The following HVCN1 variants were observed in gnomAD, a reference collection of about 807,000 sequenced individuals.
HVCN1 encodes voltage-gated hydrogen channel 1.
In HVCN1, 14 loss-of-function variants were observed where a neutral mutation model predicts 29.2. The observed-to-expected ratio is 0.48, with a 90% CI of 0.32 to 0.75. The LOEUF (loss-of-function observed/expected upper bound fraction) is 0.75. Ranked by LOEUF, HVCN1 falls within the 30% of genes least tolerant of loss-of-function variation. The pLI is 0.04. For missense variants in HVCN1, 263 were observed against 341.8 expected (o/e 0.77, Z 1.82); for synonymous variants, 131 against 133.2 (o/e 0.98, Z 0.11).
intron 3 of HVCN1, among the ~76,000 whole-genome samples, chr12:110,670,448 C>T (rs1453383378): frequency 6.6e-6 from 1 of 152,186 alleles, no homozygotes; most frequent in Non-Finnish European, 1.5e-5. Flanking sequence ...ATGGCAGCAA[C>T]GTGTATTACT....
intron 3 of HVCN1, 124 bp downstream of exon 3, chr12:110,683,101 A>G: frequency 7.8e-7 from 1 of 1,278,668 alleles, no homozygotes; most frequent in Non-Finnish European, 1.1e-6. Context: ...TTGATTTTAA[A>G]TATTTCAGTA....
chr12:110,666,479 A>T (rs942378317), intron 3 of HVCN1, among the ~76,000 whole-genome samples: 10 of 152,148 alleles, frequency 6.6e-5, no homozygotes, highest in Non-Finnish European at 8.8e-5. Context: ...ACAGGGCAAT[A>T]AAAAACATCA....
At chr12:110,666,997 T>C (rs2068387563) in intron 3 of HVCN1, among the ~76,000 whole-genome samples, 1 of 152,192 alleles carries the variant, frequency 6.6e-6, no homozygotes, top group South Asian at 2.1e-4. Context: ...AAGCCCATCA[T>C]GCACCTGTTG....
chr12:110,696,476 A>G (rs1424538991), intron 2 of HVCN1, among the ~76,000 whole-genome samples: 1 of 151,830 alleles, frequency 6.6e-6, no homozygotes, highest in Admixed American at 6.6e-5. Context: ...ATCACTTTGG[A>G]GGCTGAGGCA....
intron 3 of HVCN1, among the ~76,000 whole-genome samples, chr12:110,671,968 G>C (rs774781866): frequency 2.0e-5 from 3 of 152,220 alleles, no homozygotes; most frequent in Non-Finnish European, 4.4e-5. Flanking sequence ...GCAGAGGGAA[G>C]TGGGCACTCC....
chr12:110,698,365 A>G (rs2069524745), intron 2 of HVCN1, among the ~76,000 whole-genome samples: 1 of 152,170 alleles, frequency 6.6e-6, no homozygotes, highest in Non-Finnish European at 1.5e-5. Context: ...CACTAGAAAT[A>G]TGCTCTAACT....
chr12:110,660,248 C>T (rs1199449764), intron 4 of HVCN1, among the ~76,000 whole-genome samples: 3 of 152,120 alleles, frequency 2.0e-5, no homozygotes, highest in Non-Finnish European at 2.9e-5. Flanking sequence ...TGGTGGCAGG[C>T]GCCTATAATC....
chr12:110,673,913 C>T (rs2068662339), intron 3 of HVCN1, among the ~76,000 whole-genome samples: 1 of 152,206 alleles, frequency 6.6e-6, no homozygotes, highest in Non-Finnish European at 1.5e-5. Context: ...TGGGAGCACC[C>T]ACACTGAGTC....
Position 110,666,111 on chromosome 12 carries a change from C to T in HVCN1, c.22-4663G>A, listed in dbSNP as rs184092485. On this transcript the variant is annotated intron_variant, in intron 3 of 7. Coordinates refer to ENST00000242607, the MANE Select transcript of HVCN1 (RefSeq NM_032369.4). ...ACTGGATGGGCTTAACAGCTGATAA[C>T]ATATTACCAAAGAAAAGATCAATGA... Among the ~76,000 whole-genome samples, 382 of 151,718 alleles carry T rather than the reference C, an allele frequency of 2.5e-3. 1 individual carries two copies. Among genetic ancestry groups the T allele is most frequent in the African/African-American group, 8.8e-3 (365 of 41,372 alleles).
At chr12:110,703,683 C>T (rs1040168038) in intron 1 of HVCN1, among the ~76,000 whole-genome samples, 5 of 151,708 alleles carry the variant, frequency 3.3e-5, no homozygotes, top group Admixed American at 1.3e-4. Context: ...TATTTCCCCC[C>T]GCCTCTCTCT....
At chr12:110,656,706 G>C (rs965428345) in intron 4 of HVCN1, among the ~76,000 whole-genome samples, 2 of 152,198 alleles carry the variant, frequency 1.3e-5, no homozygotes, top group African/African-American at 4.8e-5. Flanking sequence ...TCAGGCCTCT[G>C]CAAGAACAGA....
Position 110,649,169 on chromosome 12 carries a change from G to A in HVCN1, c.*241C>T. On this transcript the variant is annotated 3_prime_UTR_variant, in exon 8 of 8. Coordinates refer to ENST00000242607, the MANE Select transcript of HVCN1 (RefSeq NM_032369.4). ...TTGCTCATTTTCAATTAAGGCTAAAGTGTTCAACATGAGAAAATGTGATAC... is the reference window on the plus strand; with the variant it reads ...TTGCTCATTTTCAATTAAGGCTAAAATGTTCAACATGAGAAAATGTGATAC... The A allele has an allele frequency of 2.9e-6, 2 of 681,980 alleles. No individual in the cohort carries two copies. The highest frequency in any genetic ancestry group is 5.3e-6 in the Non-Finnish European group (2 of 377,124). 42.2% of individuals were successfully genotyped at this position (681,980 alleles called of 1,614,324 possible).
At chr12:110,692,749 A>C (rs1011590801), upstream of HVCN1, among the ~76,000 whole-genome samples, 1 of 152,016 alleles carries the variant, frequency 6.6e-6, no homozygotes, top group South Asian at 2.1e-4. Context: ...AAAAACAAAA[A>C]CAAAACAACT....
At chr12:110,655,402 A>G (rs2136267353) in intron 4 of HVCN1, 64 bp from the exon 5 acceptor site, 1 of 1,276,652 alleles carries the variant, frequency 7.8e-7, no homozygotes, top group Non-Finnish European at 1.1e-6. Flanking sequence ...CTCTCCCATC[A>G]TTAAGAGCTG....
chr12:110,700,353 A>G (rs2069552128), intron 2 of HVCN1, among the ~76,000 whole-genome samples: 1 of 152,202 alleles, frequency 6.6e-6, no homozygotes, highest in African/African-American at 2.4e-5. Flanking sequence ...CACACAGAGG[A>G]CAGCAAAATC....
Position 110,649,144 on chromosome 12 carries a change from T to C in HVCN1, c.*266A>G, listed in dbSNP as rs1234656563. On this transcript the variant is annotated 3_prime_UTR_variant, in exon 8 of 8. Coordinates refer to ENST00000242607, the MANE Select transcript of HVCN1 (RefSeq NM_032369.4). Reference sequence around the variant, plus strand: ...TACAACTAGCAATTGTCCAGCTTTGTTGCTCATTTTCAATTAAGGCTAAAG... The same window carrying C: ...TACAACTAGCAATTGTCCAGCTTTGCTGCTCATTTTCAATTAAGGCTAAAG... 1 of 676,066 alleles carries C rather than the reference T, an allele frequency of 1.5e-6. No homozygotes were observed. Among genetic ancestry groups the C allele is most frequent in the East Asian group, 2.8e-5 (1 of 35,854 alleles). The allele number at this position is 676,066 out of a possible 1,614,324, so 41.9% of individuals were successfully genotyped here.
chr12:110,688,984 G>C (rs917413792), intron 1 of HVCN1, 96 bp downstream of exon 1: 2 of 152,578 alleles, frequency 1.3e-5, no homozygotes, highest in African/African-American at 4.8e-5. Context: ...ATGCGGGGGG[G>C]GGTCCCCTCT....
chr12:110,698,762 C>T (rs977314558), intron 2 of HVCN1, among the ~76,000 whole-genome samples: 1 of 152,236 alleles, frequency 6.6e-6, no homozygotes, highest in African/African-American at 2.4e-5. Context: ...CCCCGCTTCC[C>T]TCCTTCCGTT....
chr12:110,691,459 T>C (rs749900310), upstream of HVCN1, among the ~76,000 whole-genome samples: 1 of 152,192 alleles, frequency 6.6e-6, no homozygotes, highest in South Asian at 2.1e-4. Context: ...CATAGTCTGG[T>C]CCATTTTCAA....
Sources: allele counts gnomAD v4.1 joint callset (sites outside exome capture counted in the v4.1 genomes callset), GRCh38; gene constraint gnomAD v4.1.1; transcripts MANE v1.5; gene names NCBI Gene and HGNC (gene_info 2026-07-23, HGNC 2026-07-21).